The following AMMECR1 variants were observed in gnomAD, a reference collection of about 807,000 sequenced individuals.
AMMECR1 encodes the protein AMMECR nuclear protein 1.
In AMMECR1, 3 loss-of-function variants were observed where a neutral mutation model predicts 22.5. That is an observed-to-expected ratio of 0.13 (90% CI 0.06 to 0.35). The LOEUF (loss-of-function observed/expected upper bound fraction) is 0.35, where lower values mean the gene tolerates loss of function less well. Among genes scored for constraint, AMMECR1 ranks in the 10% least tolerant of loss-of-function variants. The probability of loss-of-function intolerance (pLI) is 1.00; values close to 1 mark genes in which losing one functional copy is unlikely to be tolerated. For synonymous variants in AMMECR1, 130 were observed against 116.7 expected, an observed-to-expected ratio of 1.11 and a Z score of -0.74; for missense variants, 235 against 278.7, an observed-to-expected ratio of 0.84 and a Z score of 1.12.
chrX:110,301,225 C>T lies in AMMECR1; in HGVS notation c.473+16374G>A, dbSNP rs182803572. Among the ~76,000 whole-genome samples the T allele has an allele frequency of 3.3e-4, 37 of 112,393 alleles. No homozygotes were observed. In the Admixed American group the frequency reaches 3.4e-3, roughly 10 times the overall value. On this transcript the variant is annotated intron_variant, in intron 1 of 5. Transcript: ENST00000262844. ...TCCATTGAAGTATCTGTTCAGCTAC[C>T]TAGTGGTCAGCTAATGATCGACATA...
intron 2 of AMMECR1, among the ~76,000 whole-genome samples, chrX:110,252,508 GATAAA>G (rs1277624989): frequency 1.8e-5 from 2 of 111,574 alleles, no homozygotes; most frequent in Admixed American, 1.9e-4. Context: ...AAGTGTTCAT[GATAAA>G]ATGAGTTTTA....
chrX:110,347,154 A>G (rs1337380702), intron 2 of AMMECR1, among the ~76,000 whole-genome samples: 1 of 113,229 alleles, frequency 8.8e-6, no homozygotes, highest in East Asian at 2.8e-4. Flanking sequence ...ATAAATTTTC[A>G]GACATTTTGA....
intron 2 of AMMECR1, among the ~76,000 whole-genome samples, chrX:110,423,521 A>T (rs929344072): frequency 9.0e-6 from 1 of 111,619 alleles, no homozygotes; most frequent in South Asian, 3.8e-4. Flanking sequence ...TGAAGGGTCC[A>T]TTCAGTAAGG....
At chrX:110,402,517 T>C (rs1196565491) in intron 2 of AMMECR1, among the ~76,000 whole-genome samples, 1 of 112,626 alleles carries the variant, frequency 8.9e-6, no homozygotes, top group Non-Finnish European at 1.9e-5. Context: ...GGTATGTGAG[T>C]GTGGGAGCTC....
chrX:110,413,666 T>C (rs1352781326), intron 2 of AMMECR1, among the ~76,000 whole-genome samples: 1 of 109,642 alleles, frequency 9.1e-6, no homozygotes, highest in Non-Finnish European at 1.9e-5. Context: ...TGCTTCATCA[T>C]CAGTCAGAAC....
chrX:110,225,033 G>A, intron 2 of AMMECR1: 1 of 373,497 alleles, frequency 2.7e-6, no homozygotes, highest in Non-Finnish European at 5.2e-6. Flanking sequence ...ATGGGGATTG[G>A]CTGACAATGT....
intron 1 of AMMECR1, among the ~76,000 whole-genome samples, chrX:110,303,406 A>T (rs767937312): frequency 3.6e-5 from 4 of 111,812 alleles, no homozygotes; most frequent in Non-Finnish European, 3.8e-5. Context: ...ATGAAGTTGA[A>T]ATCTAAATAG....
intron 1 of AMMECR1, among the ~76,000 whole-genome samples, chrX:110,295,586 T>C (rs919272480): frequency 5.3e-5 from 6 of 112,248 alleles, no homozygotes; most frequent in Non-Finnish European, 9.4e-5. Context: ...TTACAACATA[T>C]GAAATTGTCA....
At chrX:110,351,512 T>G (rs2068211264) in intron 2 of AMMECR1, among the ~76,000 whole-genome samples, 1 of 111,918 alleles carries the variant, frequency 8.9e-6, no homozygotes, top group South Asian at 3.8e-4. Flanking sequence ...TTTTAACAAA[T>G]AGTGCTGAGA....
At chrX:110,406,442 T>C (rs1205473491) in intron 2 of AMMECR1, among the ~76,000 whole-genome samples, 2 of 112,235 alleles carry the variant, frequency 1.8e-5, no homozygotes, top group East Asian at 2.8e-4. Flanking sequence ...GAACTCATTC[T>C]TTTTTATGGC....
chrX:110,280,255 A>C (rs1042967923), intron 1 of AMMECR1, among the ~76,000 whole-genome samples: 2 of 111,374 alleles, frequency 1.8e-5, no homozygotes, highest in Non-Finnish European at 3.8e-5. Flanking sequence ...GTGGCTCCAG[A>C]GTCAACTCTC....
chrX:110,235,244 T>TG (rs1373800931), intron 2 of AMMECR1, among the ~76,000 whole-genome samples: 12 of 112,484 alleles, frequency 1.1e-4, no homozygotes, highest in African/African-American at 3.9e-4. Context: ...TTATCATCAC[T>TG]GGTCATCAGA....
intron 2 of AMMECR1, chrX:110,346,605 A>C: frequency 2.0e-6 from 1 of 504,646 alleles, no homozygotes; most frequent in Non-Finnish European, 3.6e-6. Flanking sequence ...CACATGTGTT[A>C]CAGGGATAAG....
chrX:110,396,874 C>T (rs2068532312), intron 2 of AMMECR1, among the ~76,000 whole-genome samples: 1 of 112,258 alleles, frequency 8.9e-6, no homozygotes, highest in South Asian at 3.7e-4. Context: ...CCCATCAGGA[C>T]AGCCTGATTG....
At chrX:110,360,801 C>T (rs1016288963) in intron 2 of AMMECR1, among the ~76,000 whole-genome samples, 8 of 110,345 alleles carry the variant, frequency 7.2e-5, no homozygotes, top group African/African-American at 2.6e-4. Flanking sequence ...TCCTGGACTA[C>T]AATGGTAGCA....
At chrX:110,240,873 A>T (rs1232868662) in intron 2 of AMMECR1, among the ~76,000 whole-genome samples, 1 of 112,332 alleles carries the variant, frequency 8.9e-6, no homozygotes, top group Non-Finnish European at 1.9e-5. Context: ...CATAACAAAC[A>T]GTCTCTCCAA....
intron 2 of AMMECR1, among the ~76,000 whole-genome samples, chrX:110,327,576 G>A (rs1297192154): frequency 3.6e-5 from 4 of 111,392 alleles, no homozygotes; most frequent in African/African-American, 6.5e-5. Context: ...AGTGAATGGG[G>A]TGGTGGGGAG....
intron 2 of AMMECR1, among the ~76,000 whole-genome samples, chrX:110,233,098 TAAG>T (rs2067578891): frequency 9.2e-6 from 1 of 108,316 alleles, no homozygotes; most frequent in African/African-American, 3.4e-5. Context: ...GCAAGACTAA[TAAG>T]AAGAGAGAGA....
At chrX:110,391,366 A>G (rs2068492430) in intron 2 of AMMECR1, among the ~76,000 whole-genome samples, 1 of 112,126 alleles carries the variant, frequency 8.9e-6, no homozygotes. Flanking sequence ...GGGGCACCAC[A>G]TCAGCCTACA....
Sources: gnomAD v4.1 joint callset for allele counts (sites outside exome capture counted in the v4.1 genomes callset) on GRCh38, gnomAD v4.1.1 for gene constraint, MANE v1.5 for transcripts, NCBI Gene and HGNC (gene_info 2026-07-23, HGNC 2026-07-21) for gene names.